Variants in PGM2L1 observed in about 807,000 individuals in gnomAD.
PGM2L1 encodes the protein phosphoglucomutase 2 like 1.
Under a neutral mutation model 73.4 loss-of-function variants are expected in PGM2L1, and 35 were observed. The ratio of observed to expected loss-of-function variants is 0.48; its 90% CI spans 0.36 to 0.63. The LOEUF (loss-of-function observed/expected upper bound fraction) is 0.63, where lower values mean the gene tolerates loss of function less well. Among genes scored for constraint, PGM2L1 ranks in the 30% least tolerant of loss-of-function variants. PGM2L1 has a pLI of 0.00. For missense variants in PGM2L1, 570 were observed against 742.0 expected (o/e 0.77, Z 2.69); for synonymous variants, 225 against 253.8 (o/e 0.89, Z 1.08).
At chr11:74,374,932 T>C (rs1862834592) in intron 1 of PGM2L1, among the ~76,000 whole-genome samples, 1 of 152,292 alleles carries the variant, frequency 6.6e-6, no homozygotes, top group Middle Eastern at 3.4e-3. Context: ...GTTTCAATCA[T>C]AGTTCACTGT....
At position 74,351,476 on chromosome 11, in the gene PGM2L1, TCATTCCAGGAAC is replaced by T; in HGVS notation, c.644_655del (p.Gly215_Asn218del). 6.2e-7 allele frequency: 1 copy of T among 1,614,040 alleles called. No individual in the cohort carries two copies. Among genetic ancestry groups the T allele is most frequent in the South Asian group, 1.1e-5 (1 of 91,068 alleles). On this transcript the variant is annotated inframe_deletion, in exon 6 of 14. Coordinates refer to ENST00000298198, the MANE Select transcript of PGM2L1 (RefSeq NM_173582.6). The stretch of plus-strand genomic sequence containing the variant: ...CAGCGGGCTGGTATCCACTAAATTA[TCATTCCAGGAAC>T]CATTCCAGGGTTCCACACATTCTTC...
chr11:74,366,850 C>T (rs1232885005), intron 5 of PGM2L1, among the ~76,000 whole-genome samples: 3 of 152,050 alleles, frequency 2.0e-5, no homozygotes, highest in Admixed American at 2.0e-4. Flanking sequence ...GAATAAGAAG[C>T]CACTGAAGAA....
intron 1 of PGM2L1, among the ~76,000 whole-genome samples, chr11:74,387,223 C>T (rs1863030441): frequency 6.6e-6 from 1 of 152,144 alleles, no homozygotes; most frequent in South Asian, 2.1e-4. Flanking sequence ...CAATAGAGTT[C>T]AATTCTCATT....
At chr11:74,383,208 A>T (rs1203263925) in intron 1 of PGM2L1, among the ~76,000 whole-genome samples, 1 of 152,210 alleles carries the variant, frequency 6.6e-6, no homozygotes, top group Non-Finnish European at 1.5e-5. Flanking sequence ...ATAATACATT[A>T]AAATAATGTA....
At chr11:74,353,651 G>A (rs1295993315) in intron 5 of PGM2L1, among the ~76,000 whole-genome samples, 2 of 151,614 alleles carry the variant, frequency 1.3e-5, no homozygotes, top group African/African-American at 2.4e-5. Context: ...AAGGGGCTGG[G>A]GGTAAGGCCA....
chr11:74,368,423 T>C lies in PGM2L1; in HGVS notation c.555+69A>G, dbSNP rs1040947384. ...CTGCTCTCCAGTATAGAAAACATAC[T>C]CAACACATATTATTTGAATAAAAAA... On this transcript the variant is annotated intron_variant, in intron 5 of 13. Coordinates refer to ENST00000298198, the MANE Select transcript of PGM2L1 (RefSeq NM_173582.6). 8 of 1,362,732 alleles carry C rather than the reference T, an allele frequency of 5.9e-6. No homozygotes were observed. The African/African-American group carries it at 1.2e-4, about 20-fold the overall frequency. The allele number at this position is 1,362,732 out of a possible 1,614,324, so 84.4% of individuals were successfully genotyped here. A position where few individuals can be genotyped will look rare whatever the true frequency, so the allele number is the denominator to read the frequency against.
At chr11:74,346,584 C>T (rs1862270085) in intron 8 of PGM2L1, 148 bp downstream of exon 8, 1 of 563,764 alleles carries the variant, frequency 1.8e-6, no homozygotes, top group Non-Finnish European at 3.1e-6. Flanking sequence ...ATCAAAGTAT[C>T]AACTTAGGTG....
chr11:74,343,071 A>G, intron 10 of PGM2L1, 57 bp from the exon 11 acceptor site: 1 of 1,524,416 alleles, frequency 6.6e-7, no homozygotes, highest in African/African-American at 1.4e-5. Flanking sequence ...TAATTTCAAT[A>G]GTTTTACATT....
chr11:74,366,125 C>T (rs558739805), intron 5 of PGM2L1, among the ~76,000 whole-genome samples: 1 of 151,844 alleles, frequency 6.6e-6, no homozygotes, highest in South Asian at 2.1e-4. Context: ...AGGAACCAAA[C>T]ACCACATGTT....
intron 5 of PGM2L1, among the ~76,000 whole-genome samples, chr11:74,361,322 C>A (rs1325829136): frequency 1.3e-5 from 2 of 152,300 alleles, no homozygotes; most frequent in Non-Finnish European, 2.9e-5. Context: ...CTCCAACAGA[C>A]CTGCAGCTGA....
At chr11:74,394,122 C>T (rs954988041) in intron 1 of PGM2L1, among the ~76,000 whole-genome samples, 7 of 152,128 alleles carry the variant, frequency 4.6e-5, no homozygotes, top group African/African-American at 1.7e-4. Flanking sequence ...AGGACAGTCC[C>T]ATTGTGGAGA....
At chr11:74,350,050 T>G (rs1158424975) in intron 6 of PGM2L1, among the ~76,000 whole-genome samples, 1 of 152,178 alleles carries the variant, frequency 6.6e-6, no homozygotes, top group Non-Finnish European at 1.5e-5. Flanking sequence ...ACTTGTTAAT[T>G]TGCTTTTGCC....
chr11:74,378,821 CAGA>C (rs1257922284), intron 1 of PGM2L1, among the ~76,000 whole-genome samples: 4 of 152,136 alleles, frequency 2.6e-5, no homozygotes, highest in African/African-American at 4.8e-5. Context: ...CACAGATGTG[CAGA>C]AGGTTACACA....
intron 1 of PGM2L1, among the ~76,000 whole-genome samples, chr11:74,384,421 CTTAG>C (rs1862992229): frequency 6.6e-6 from 1 of 151,936 alleles, no homozygotes; most frequent in Non-Finnish European, 1.5e-5. Flanking sequence ...TCTTGACAAT[CTTAG>C]TTATTTTAAA....
In PGM2L1 at chr11:74,374,586, T is replaced by TA. The variant is rs768926792; in HGVS notation, c.112-5dup. On this transcript the variant is annotated splice_polypyrimidine_tract_variant and splice_region_variant and intron_variant, in intron 1 of 13. Coordinates refer to ENST00000298198, the MANE Select transcript of PGM2L1 (RefSeq NM_173582.6). ...TCTGCTCTTTTGTTTTGGGATTCTA[T>TA]AAAAAAGAAGTATTAAAACTTAACC... is the stretch of plus-strand genomic sequence containing the variant. 1.6e-5 allele frequency: 26 copies of TA among 1,611,962 alleles called. No individual in the cohort carries two copies. Among genetic ancestry groups the TA allele is most frequent in the South Asian group, 3.3e-5 (3 of 90,986 alleles).
chr11:74,338,914 AACC>A (rs1339742188), intron 12 of PGM2L1, among the ~76,000 whole-genome samples: 2 of 152,226 alleles, frequency 1.3e-5, no homozygotes, highest in Admixed American at 6.5e-5. Flanking sequence ...GTGTTTTTTT[AACC>A]ACAATTGAAA....
At chr11:74,396,107 T>A (rs886354011) in intron 1 of PGM2L1, among the ~76,000 whole-genome samples, 113 of 151,670 alleles carry the variant, frequency 7.5e-4, no homozygotes, top group African/African-American at 2.5e-3. Context: ...AAATTTTTTT[T>A]AATTAGCCGG....
At chr11:74,353,481 C>T (rs1219915847) in intron 5 of PGM2L1, among the ~76,000 whole-genome samples, 3 of 151,656 alleles carry the variant, frequency 2.0e-5, no homozygotes, top group East Asian at 1.9e-4. Flanking sequence ...GAGGACCCTG[C>T]GGCCTTCCGC....
At chr11:74,343,132 C>CT (rs1862208138) in intron 10 of PGM2L1, 118 bp from the exon 11 acceptor site, 1 of 1,365,080 alleles carries the variant, frequency 7.3e-7, no homozygotes, top group Non-Finnish European at 9.9e-7. Context: ...TGAAACTCAT[C>CT]AATACTGAGT....
Sources: allele counts gnomAD v4.1 joint callset (sites outside exome capture counted in the v4.1 genomes callset), GRCh38; gene constraint gnomAD v4.1.1; transcripts MANE v1.5; gene names NCBI Gene and HGNC (gene_info 2026-07-23, HGNC 2026-07-21).